The following ZBTB7C variants were observed in gnomAD, a reference collection of about 807,000 sequenced individuals.
The protein encoded by ZBTB7C is zinc finger and BTB domain-containing protein 7C.
In ZBTB7C, 8 loss-of-function variants were observed where a neutral mutation model predicts 25.7. That is an observed-to-expected ratio of 0.31 (90% CI 0.18 to 0.56). The LOEUF is 0.56. ZBTB7C is among the 20% of genes least tolerant of loss of function. ZBTB7C has a pLI of 0.91. For synonymous variants in ZBTB7C, 394 were observed against 369.0 expected (o/e 1.07, Z -0.78); for missense variants, 824 against 855.2 (o/e 0.96, Z 0.46).
At chr18:48,271,130 C>A (rs79855457) in intron 2 of ZBTB7C, among the ~76,000 whole-genome samples, 3 of 152,188 alleles carry the variant, frequency 2.0e-5, no homozygotes, top group Middle Eastern at 3.4e-3. Context: ...AGGCACTAGA[C>A]CAAGAAGGCT....
chr18:48,291,446 C>T (rs1384729896), intron 2 of ZBTB7C, among the ~76,000 whole-genome samples: 1 of 151,970 alleles, frequency 6.6e-6, no homozygotes, highest in African/African-American at 2.4e-5. Flanking sequence ...AGGGAAACTC[C>T]AAGGTGGTAA....
intron 3 of ZBTB7C, among the ~76,000 whole-genome samples, chr18:48,172,490 T>G (rs532411826): frequency 1.3e-5 from 2 of 152,084 alleles, no homozygotes; most frequent in African/African-American, 4.8e-5. Context: ...TGAGTGTGTC[T>G]GGGAGATTCG....
chr18:48,381,889 C>T (rs2047640993), intron 1 of ZBTB7C, among the ~76,000 whole-genome samples: 1 of 152,170 alleles, frequency 6.6e-6, no homozygotes, highest in African/African-American at 2.4e-5. Context: ...AGCTTCTGAT[C>T]AGAAGCGGCA....
At chr18:48,130,386 G>T (rs954196359) in intron 3 of ZBTB7C, among the ~76,000 whole-genome samples, 1 of 152,154 alleles carries the variant, frequency 6.6e-6, no homozygotes, top group South Asian at 2.1e-4. Context: ...CCTGAGTGGG[G>T]AGGGAGAAGA....
intron 3 of ZBTB7C, among the ~76,000 whole-genome samples, chr18:48,128,457 G>A (rs2039879083): frequency 6.6e-6 from 1 of 152,202 alleles, no homozygotes; most frequent in Admixed American, 6.5e-5. Context: ...ACCAACCTAA[G>A]TGCCCATCGA....
At chr18:48,215,152 C>T (rs1157861573) in intron 2 of ZBTB7C, among the ~76,000 whole-genome samples, 6 of 152,194 alleles carry the variant, frequency 3.9e-5, no homozygotes, top group Admixed American at 1.3e-4. Context: ...CTCATGGAAT[C>T]GTGGTCATCC....
chr18:48,084,647 A>T (rs2038121647), intron 3 of ZBTB7C, among the ~76,000 whole-genome samples: 1 of 152,134 alleles, frequency 6.6e-6, no homozygotes, highest in South Asian at 2.1e-4. Flanking sequence ...GTTTACACAG[A>T]TTCAGACCCA....
At chr18:48,329,410 C>T (rs1485965128) in intron 2 of ZBTB7C, among the ~76,000 whole-genome samples, 2 of 152,184 alleles carry the variant, frequency 1.3e-5, no homozygotes, top group Admixed American at 6.5e-5. Context: ...ACAGGCAGAG[C>T]TAGGCGCTGC....
chr18:48,135,594 T>C (rs1271929925), intron 3 of ZBTB7C, among the ~76,000 whole-genome samples: 1 of 152,108 alleles, frequency 6.6e-6, no homozygotes, highest in African/African-American at 2.4e-5. Context: ...GGACCGGCAC[T>C]GGGGCTACTT....
chr18:48,069,986 C>T (rs1231358693), intron 3 of ZBTB7C, among the ~76,000 whole-genome samples: 1 of 152,108 alleles, frequency 6.6e-6, no homozygotes, highest in African/African-American at 2.4e-5. Context: ...CCTGGAATCA[C>T]TAACCCATTT....
At chr18:48,145,829 C>A (rs890199932) in intron 3 of ZBTB7C, among the ~76,000 whole-genome samples, 4 of 152,144 alleles carry the variant, frequency 2.6e-5, no homozygotes, top group Non-Finnish European at 4.4e-5. Context: ...TTTATAAAAT[C>A]TTTTACAAGA....
chr18:48,346,300 T>C (rs1312343874), intron 1 of ZBTB7C, among the ~76,000 whole-genome samples: 5 of 152,240 alleles, frequency 3.3e-5, no homozygotes, highest in Non-Finnish European at 7.3e-5. Context: ...ACAAGGCTCT[T>C]TGCCATGCTG....
intron 3 of ZBTB7C, chr18:48,162,525 G>C (rs2041099582): frequency 2.4e-6 from 1 of 412,838 alleles, no homozygotes; most frequent in Non-Finnish European, 5.0e-6. Flanking sequence ...GGGTTTGGCA[G>C]AGGGATGTAT....
intron 3 of ZBTB7C, among the ~76,000 whole-genome samples, chr18:48,173,817 G>A (rs530953172): frequency 1.3e-4 from 20 of 152,334 alleles, no homozygotes; most frequent in Admixed American, 3.3e-4. Context: ...GGTAGGTCCT[G>A]TCACTGGACT....
intron 1 of ZBTB7C, among the ~76,000 whole-genome samples, chr18:48,360,698 T>C (rs1367839634): frequency 1.3e-5 from 2 of 151,956 alleles, no homozygotes; most frequent in Non-Finnish European, 2.9e-5. Flanking sequence ...GTGGAATCCC[T>C]AGACCAAGTG....
intron 2 of ZBTB7C, among the ~76,000 whole-genome samples, chr18:48,335,017 T>A (rs1041115755): frequency 6.6e-6 from 1 of 152,178 alleles, no homozygotes; most frequent in Non-Finnish European, 1.5e-5. Flanking sequence ...CTGGCATAGA[T>A]AGAGCACCAG....
At chr18:48,108,119 G>A (rs2039098672) in intron 3 of ZBTB7C, among the ~76,000 whole-genome samples, 1 of 152,138 alleles carries the variant, frequency 6.6e-6, no homozygotes, top group African/African-American at 2.4e-5. Flanking sequence ...TCAGGCAGCT[G>A]GAAGGACCCC....
At chr18:48,055,498 C>G (rs981827108) in intron 3 of ZBTB7C, among the ~76,000 whole-genome samples, 1 of 150,638 alleles carries the variant, frequency 6.6e-6, no homozygotes. Flanking sequence ...AGCTAGGTGT[C>G]TGGGCTGAAC....
At chr18:48,099,660 C>T (rs1052193493) in intron 3 of ZBTB7C, among the ~76,000 whole-genome samples, 1 of 152,190 alleles carries the variant, frequency 6.6e-6, no homozygotes, top group African/African-American at 2.4e-5. Flanking sequence ...GGTGCAGCCC[C>T]CACCAATCGC....
Sources: allele counts gnomAD v4.1 joint callset (sites outside exome capture counted in the v4.1 genomes callset), GRCh38; gene constraint gnomAD v4.1.1; transcripts MANE v1.5; gene names NCBI Gene and HGNC (gene_info 2026-07-23, HGNC 2026-07-21).